The following ECPAS variants were observed in gnomAD, a reference collection of about 807,000 sequenced individuals.
ECPAS encodes Ecm29 proteasome adaptor and scaffold.
In ECPAS, 70 loss-of-function variants were observed where a neutral mutation model predicts 255.1. That is an observed-to-expected ratio of 0.27 (90% CI 0.23 to 0.33). The LOEUF (loss-of-function observed/expected upper bound fraction) is 0.33, where lower values mean the gene tolerates loss of function less well. Ranked by LOEUF, ECPAS falls within the 10% of genes least tolerant of loss-of-function variation. The pLI is 1.00. For missense variants in ECPAS, 1,817 were observed against 2,206.4 expected, an observed-to-expected ratio of 0.82 and a Z score of 3.54; for synonymous variants, 784 against 775.0, an observed-to-expected ratio of 1.01 and a Z score of -0.19.
chr9:111,422,925 C>G (rs1001992825), intron 13 of ECPAS, among the ~76,000 whole-genome samples: 1 of 152,146 alleles, frequency 6.6e-6, no homozygotes, highest in Non-Finnish European at 1.5e-5. Context: ...TCAAAAGTCT[C>G]TAGGGTACAA....
At chr9:111,385,095 T>A (rs1336557615) in intron 33 of ECPAS, among the ~76,000 whole-genome samples, 1 of 152,166 alleles carries the variant, frequency 6.6e-6, no homozygotes, top group African/African-American at 2.4e-5. Context: ...TCCAATAGAA[T>A]CATGAGATCT....
Position 111,372,616 on chromosome 9 carries a change from A to G in ECPAS, c.4341T>C (p.Pro1447=). The G allele has an allele frequency of 6.2e-7, 1 of 1,601,964 alleles. No individual in the cohort carries two copies. Among genetic ancestry groups the G allele is most frequent in the Non-Finnish European group, 8.5e-7 (1 of 1,173,846 alleles). Residue 1447 remains proline (P), a synonymous_variant, in exon 42 of 50, where the codon CCT becomes CCC. Transcript: ENST00000684092. ...LNGWYMEKEE[P]IYKTSCALTI... ...TCAAAGCACAAGAGGTCTTGTAGAT[A>G]GGTTCTGAAAAGGAGAAACCAAAAT... is the stretch of plus-strand genomic sequence containing the variant.
At chr9:111,408,487 A>G (rs747151246) in intron 24 of ECPAS, 84 bp downstream of exon 24, 76 of 742,958 alleles carry the variant, frequency 1.0e-4, no homozygotes, top group South Asian at 4.1e-4. Context: ...AAAATCTCAC[A>G]GCATGCAAAA....
At position 111,362,072 on chromosome 9, in the gene ECPAS, C is replaced by T; in HGVS notation, c.5478G>A (p.Glu1826=). 1 of 1,612,534 alleles carries T rather than the reference C, an allele frequency of 6.2e-7. No individual in the cohort carries two copies. Among genetic ancestry groups the T allele is most frequent in the African/African-American group, 1.3e-5 (1 of 74,846 alleles). The change falls in exon 50 of 50, where the codon GAG becomes GAA. Residue 1826 remains glutamate (E), a synonymous_variant. Coordinates refer to ENST00000684092, the MANE Select transcript of ECPAS (RefSeq NM_001364929.1). The part of the protein sequence containing the change: ...MEPDSRPELQ[E]KAALLKKTLE... ...GTGTTTTCTTCAGTAACGCTGCTTTCTCCTGCAGTTCAGGTCTGCTGTCTG... is the reference window on the plus strand; with the variant it reads ...GTGTTTTCTTCAGTAACGCTGCTTTTTCCTGCAGTTCAGGTCTGCTGTCTG...
At chr9:111,422,792 A>C (rs770129147) in intron 13 of ECPAS, among the ~76,000 whole-genome samples, 26 of 152,224 alleles carry the variant, frequency 1.7e-4, no homozygotes, top group Non-Finnish European at 3.1e-4. Flanking sequence ...GAAGAAAAAA[A>C]AATCTGTCAG....
At chr9:111,369,513 G>C (rs1020509942) in intron 45 of ECPAS, among the ~76,000 whole-genome samples, 2 of 152,186 alleles carry the variant, frequency 1.3e-5, no homozygotes, top group Non-Finnish European at 2.9e-5. Flanking sequence ...TTTCTTGATA[G>C]AGAAACAGAG....
chr9:111,382,099 A>G (rs997302714), intron 35 of ECPAS, among the ~76,000 whole-genome samples: 1 of 151,652 alleles, frequency 6.6e-6, no homozygotes, highest in African/African-American at 2.4e-5. Context: ...TCACATCACC[A>G]TGCACTGGTT....
intron 45 of ECPAS, among the ~76,000 whole-genome samples, chr9:111,370,148 C>T (rs1314338402): frequency 6.6e-6 from 1 of 152,224 alleles, no homozygotes; most frequent in Non-Finnish European, 1.5e-5. Context: ...ATCTCCTCTG[C>T]ATTCCTGCCT....
intron 49 of ECPAS, among the ~76,000 whole-genome samples, chr9:111,363,107 T>G: frequency 6.8e-6 from 1 of 146,756 alleles, no homozygotes; most frequent in Non-Finnish European, 1.5e-5. Context: ...TGCTAACAGT[T>G]CCCCCCCACC....
intron 28 of ECPAS, among the ~76,000 whole-genome samples, chr9:111,392,064 C>G (rs1047392276): frequency 6.6e-6 from 1 of 152,084 alleles, no homozygotes; most frequent in Non-Finnish European, 1.5e-5. Flanking sequence ...CATGGTGAAA[C>G]GCCATCTCTA....
chr9:111,470,876 G>A (rs2098287080), intron 2 of ECPAS, among the ~76,000 whole-genome samples: 1 of 151,982 alleles, frequency 6.6e-6, no homozygotes, highest in Admixed American at 6.6e-5. Flanking sequence ...GTAAGTGCTA[G>A]ACTCCCAACA....
At chr9:111,399,704 C>T (rs945994311) in intron 24 of ECPAS, among the ~76,000 whole-genome samples, 6 of 152,188 alleles carry the variant, frequency 3.9e-5, no homozygotes, top group Admixed American at 2.6e-4. Flanking sequence ...CAGGCACCAG[C>T]CCACCCACAA....
chr9:111,431,765 AC>A (rs1200597155), intron 8 of ECPAS, among the ~76,000 whole-genome samples: 1 of 152,048 alleles, frequency 6.6e-6, no homozygotes, highest in Non-Finnish European at 1.5e-5. Flanking sequence ...AGCTACTTTA[AC>A]TGCTTTTTGG....
intron 5 of ECPAS, among the ~76,000 whole-genome samples, 173 bp from the exon 6 acceptor site, chr9:111,440,694 T>A (rs2098244625): frequency 6.6e-6 from 1 of 152,230 alleles, no homozygotes; most frequent in Non-Finnish European, 1.5e-5. Context: ...CCTAGAATTC[T>A]TTTTTATTGA....
chr9:111,400,105 G>A (rs1036626279), intron 24 of ECPAS, among the ~76,000 whole-genome samples: 1 of 152,212 alleles, frequency 6.6e-6, no homozygotes, highest in African/African-American at 2.4e-5. Context: ...AAGAAACTTT[G>A]CCTGGGAACC....
intron 2 of ECPAS, among the ~76,000 whole-genome samples, chr9:111,469,201 G>A (rs535000392): frequency 5.9e-5 from 9 of 151,890 alleles, no homozygotes; most frequent in African/African-American, 1.9e-4. Context: ...TTGTGCCACT[G>A]CATTCCAGCC....
At chr9:111,413,723 A>T (rs951680048) in intron 20 of ECPAS, among the ~76,000 whole-genome samples, 172 bp downstream of exon 20, 1 of 152,096 alleles carries the variant, frequency 6.6e-6, no homozygotes, top group African/African-American at 2.4e-5. Context: ...CAGATGTGTC[A>T]ATGAGACATA....
intron 3 of ECPAS, among the ~76,000 whole-genome samples, chr9:111,448,936 T>A (rs960592889): frequency 6.6e-6 from 1 of 152,176 alleles, no homozygotes; most frequent in Non-Finnish European, 1.5e-5. Flanking sequence ...TCTTTTTTTT[T>A]AACATACTAT....
intron 7 of ECPAS, among the ~76,000 whole-genome samples, chr9:111,435,340 G>C (rs1306168091): frequency 6.6e-6 from 1 of 152,098 alleles, no homozygotes; most frequent in East Asian, 1.9e-4. Context: ...TTTCATCCCT[G>C]AAACTAAACT....
Sources: gnomAD v4.1 joint callset for allele counts (sites outside exome capture counted in the v4.1 genomes callset) on GRCh38, gnomAD v4.1.1 for gene constraint, MANE v1.5 for transcripts, NCBI Gene and HGNC (gene_info 2026-07-23, HGNC 2026-07-21) for gene names.